Variants in PARP4 observed in about 807,000 individuals in gnomAD.
PARP4 encodes the protein protein mono-ADP-ribosyltransferase PARP4.
PARP4 carries 120 observed loss-of-function variants against 187.7 expected under a neutral mutation model. The observed-to-expected ratio is 0.64, with a 90% CI of 0.55 to 0.74. PARP4 has a LOEUF of 0.74. Ranked by LOEUF, PARP4 falls within the 30% of genes least tolerant of loss-of-function variation. The pLI is 0.00. For synonymous variants in PARP4, 654 were observed against 740.9 expected (o/e 0.88, Z 1.90); for missense variants, 1,836 against 2,070.5 (o/e 0.89, Z 2.20).
At chr13:24,424,649 A>G (rs1376516672) in intron 33 of PARP4, among the ~76,000 whole-genome samples, 1 of 151,688 alleles carries the variant, frequency 6.6e-6, no homozygotes, top group Non-Finnish European at 1.5e-5. Flanking sequence ...CTATCCCACT[A>G]GAGAGATATA....
chr13:24,452,694 C>T (rs1054927233), intron 23 of PARP4, 101 bp from the exon 24 acceptor site: 9 of 852,580 alleles, frequency 1.1e-5, no homozygotes, highest in African/African-American at 6.8e-5. Flanking sequence ...GATATGGTGA[C>T]ACCGAAAATA....
chr13:24,434,051 C>T (rs1226144182), intron 31 of PARP4, among the ~76,000 whole-genome samples: 1 of 152,184 alleles, frequency 6.6e-6, no homozygotes, highest in African/African-American at 2.4e-5. Context: ...GGATTACAAT[C>T]CATTAGTTCT....
intron 27 of PARP4, among the ~76,000 whole-genome samples, chr13:24,445,783 C>T (rs1871178239): frequency 6.6e-6 from 1 of 152,192 alleles, no homozygotes; most frequent in Non-Finnish European, 1.5e-5. Flanking sequence ...GGAACACTGA[C>T]TTGGAGCTGA....
Position 24,435,060 on chromosome 13 carries a change from C to A in PARP4, c.4081G>T (p.Ala1361Ser). 6.2e-7 allele frequency: 1 copy of A among 1,614,072 alleles called. No homozygotes were observed. The highest frequency in any genetic ancestry group is 1.3e-5 in the African/African-American group (1 of 75,026). Residue 1361 changes from alanine to serine, a missense_variant, in exon 31 of 34, where the codon GCA becomes TCA. Transcript: ENST00000381989. ...GSAAPPRQFD[A>S]SQFSQGPVPG... ...ACAGGGCCTTGGCTGAATTGAGATG[C>A]ATCAAACTGTCTGGGAGGAGCAGCT...
At chr13:24,506,920 C>T (rs1434301649) in intron 1 of PARP4, among the ~76,000 whole-genome samples, 1 of 152,210 alleles carries the variant, frequency 6.6e-6, no homozygotes, top group East Asian at 1.9e-4. Context: ...AGAGCTCAGA[C>T]ATGGCGGGCT....
chr13:24,428,081 G>GA (rs1240615457), intron 32 of PARP4, among the ~76,000 whole-genome samples: 2 of 152,114 alleles, frequency 1.3e-5, no homozygotes, highest in Non-Finnish European at 2.9e-5. Flanking sequence ...ACAAGTCAGA[G>GA]AAAAAAGACA....
chr13:24,471,904 C>T (rs1872742095), intron 15 of PARP4, among the ~76,000 whole-genome samples: 1 of 152,152 alleles, frequency 6.6e-6, no homozygotes, highest in Non-Finnish European at 1.5e-5. Context: ...ATTATTATTT[C>T]CATTTTACAC....
intron 10 of PARP4, among the ~76,000 whole-genome samples, chr13:24,487,263 A>G (rs1269723458): frequency 6.6e-6 from 1 of 151,284 alleles, no homozygotes; most frequent in Non-Finnish European, 1.5e-5. Context: ...CGTCAAAAAA[A>G]AAAAAAAAAA....
At chr13:24,506,581 T>C (rs1249107043) in intron 1 of PARP4, among the ~76,000 whole-genome samples, 4 of 152,128 alleles carry the variant, frequency 2.6e-5, no homozygotes, top group Non-Finnish European at 4.4e-5. Flanking sequence ...CTAGATTAGC[T>C]AGACACAGAG....
Position 24,426,531 on chromosome 13 carries a change from G to T in PARP4, c.4914C>A (p.Thr1638=). 6.2e-7 allele frequency: 1 copy of T among 1,610,526 alleles called. No homozygotes were observed. Among genetic ancestry groups the T allele is most frequent in the South Asian group, 1.1e-5 (1 of 90,982 alleles). The change falls in exon 33 of 34, where the codon ACC becomes ACA. Residue 1638 remains threonine (T), a synonymous_variant. Coordinates refer to ENST00000381989, the MANE Select transcript of PARP4 (RefSeq NM_006437.4). ...ATMLVLQFIR[T]RLEKEGIVFK... ...ACACTATTCCCTCTTTTTCCAACCT[G>T]GTGCGAATAAACTGTAGTACCAGCA... is the stretch of plus-strand genomic sequence containing the variant.
At chr13:24,494,894 CA>C (rs1317936545) in intron 6 of PARP4, among the ~76,000 whole-genome samples, 172 bp from the exon 7 acceptor site, 23 of 125,608 alleles carry the variant, frequency 1.8e-4, no homozygotes, top group African/African-American at 5.5e-4. Context: ...TTTTTTGAGA[CA>C]GGGTCTTGCT....
chr13:24,474,904 C>T (rs1229064578), intron 15 of PARP4, among the ~76,000 whole-genome samples: 1 of 152,148 alleles, frequency 6.6e-6, no homozygotes, highest in Non-Finnish European at 1.5e-5. Context: ...CCCATGCACT[C>T]TCCCCTTTCC....
At chr13:24,447,401 C>T (rs1871270045) in intron 25 of PARP4, among the ~76,000 whole-genome samples, 1 of 152,192 alleles carries the variant, frequency 6.6e-6, no homozygotes, top group East Asian at 1.9e-4. Flanking sequence ...TGCTCTGTCG[C>T]CCAGGCGGGA....
rs140105951 is a variant in PARP4, at chr13:24,447,111, C to A, written c.3190G>T (p.Asp1064Tyr). 97 of 1,613,268 alleles carry A rather than the reference C, an allele frequency of 6.0e-5. No homozygotes were observed. Among genetic ancestry groups the A allele is most frequent in the Non-Finnish European group, 7.9e-5 (93 of 1,179,574 alleles). Residue 1064 changes from aspartate to tyrosine, a missense_variant, in exon 26 of 34, where the codon GAT becomes TAT. Physicochemically the swap from Asp to Tyr is radical, Grantham distance 160 (BLOSUM62 -3). Transcript: ENST00000381989. ...GGGGCCTGCAGGGCCTCGGGCACATCTGGATTGAGTTGCTGCCATTTGACG... is the reference window on the plus strand; with the variant it reads ...GGGGCCTGCAGGGCCTCGGGCACATATGGATTGAGTTGCTGCCATTTGACG... ...VSVKWQQLNP[D>Y]VPEALQAPAQ... is the part of the protein sequence containing the mutation.
intron 30 of PARP4, among the ~76,000 whole-genome samples, chr13:24,436,521 T>C (rs981453870): frequency 3.3e-5 from 5 of 152,366 alleles, no homozygotes; most frequent in Admixed American, 3.3e-4. Context: ...TTGACCAGAC[T>C]GGTTTTGAAC....
At position 24,434,703 on chromosome 13, in the gene PARP4, C is replaced by T. The variant is rs753379612; in HGVS notation, c.4438G>A (p.Ala1480Thr). ...CAAAGAGCCTCAGGTAAAGCAGAGG[C>T]CATTGGCAGCCTAAGGTTGGCAGTC... ...SLTANLRLPMASALPEALCSQ... is the reference protein window; with the variant it reads ...SLTANLRLPMTSALPEALCSQ... Residue 1480 changes from alanine to threonine, a missense_variant, in exon 31 of 34, where the codon GCC (alanine) becomes ACC (threonine). Physicochemically the swap from Ala to Thr is moderately conservative, Grantham distance 58. This residue lies in a region of PARP4 where 450 missense variants were observed against 439.2 expected (regional missense o/e 1.02). Coordinates refer to ENST00000381989, the MANE Select transcript of PARP4 (RefSeq NM_006437.4). 1 of 1,614,082 alleles carries T rather than the reference C, an allele frequency of 6.2e-7. No individual in the cohort carries two copies. Among genetic ancestry groups the T allele is most frequent in the Non-Finnish European group, 8.5e-7 (1 of 1,180,014 alleles).
chr13:24,506,320 C>G (rs138646324), intron 1 of PARP4, among the ~76,000 whole-genome samples: 1 of 152,258 alleles, frequency 6.6e-6, no homozygotes, highest in East Asian at 1.9e-4. Context: ...GATTTAAAGG[C>G]AGTGCGGACC....
chr13:24,444,552 T>TA (rs1161374885), intron 27 of PARP4, among the ~76,000 whole-genome samples: 2 of 152,068 alleles, frequency 1.3e-5, no homozygotes, highest in African/African-American at 4.8e-5. Context: ...CTCCTTTGAA[T>TA]AAAAAAACTA....
intron 23 of PARP4, among the ~76,000 whole-genome samples, chr13:24,452,993 G>T (rs1871609690): frequency 6.6e-6 from 1 of 151,992 alleles, no homozygotes; most frequent in Admixed American, 6.6e-5. Flanking sequence ...GGAGTGCAGT[G>T]GCACAATCTC....
Sources: gnomAD v4.1 joint callset for allele counts (sites outside exome capture counted in the v4.1 genomes callset) on GRCh38, gnomAD v4.1.1 for gene constraint, gnomAD v4.1.1 regional missense constraint, MANE v1.5 for transcripts, NCBI Gene and HGNC (gene_info 2026-07-23, HGNC 2026-07-21) for gene names.